Variants in SLF1 observed in about 807,000 individuals in gnomAD.
SLF1 encodes the protein SMC5/6 complex localization factor 1, also known as SMC5-SMC6 complex localization factor protein 1.
In SLF1, 105 loss-of-function variants were observed where a neutral mutation model predicts 123.0. The ratio of observed to expected loss-of-function variants is 0.85; its 90% CI spans 0.73 to 1.00. SLF1 has a LOEUF of 1.00. Ranked by LOEUF, SLF1 falls within the 50% of genes least tolerant of loss-of-function variation. The pLI is 0.00. For missense variants in SLF1, 1,239 were observed against 1,223.0 expected (o/e 1.01, Z -0.20); for synonymous variants, 434 against 406.6 (o/e 1.07, Z -0.81).
chr5:94,658,595 C>T (rs1748709843), intron 9 of SLF1, among the ~76,000 whole-genome samples: 1 of 152,000 alleles, frequency 6.6e-6, no homozygotes, highest in African/African-American at 2.4e-5. Context: ...TTTTAGAATT[C>T]TTTCTTTGTC....
At chr5:94,674,389 T>A (rs1016418193) in intron 14 of SLF1, among the ~76,000 whole-genome samples, 1 of 152,206 alleles carries the variant, frequency 6.6e-6, no homozygotes, top group Non-Finnish European at 1.5e-5. Flanking sequence ...CTGCAATAAA[T>A]TGTAGCATTG....
chr5:94,633,141 T>C (rs1745396636), intron 4 of SLF1, among the ~76,000 whole-genome samples: 1 of 152,024 alleles, frequency 6.6e-6, no homozygotes, highest in African/African-American at 2.4e-5. Flanking sequence ...GCATATGCCA[T>C]CACACCCGGC....
chr5:94,690,318 A>G (rs1752928112), intron 18 of SLF1, among the ~76,000 whole-genome samples: 1 of 152,198 alleles, frequency 6.6e-6, no homozygotes, highest in Non-Finnish European at 1.5e-5. Flanking sequence ...TATGACACCC[A>G]TGGAAATAGT....
chr5:94,678,922 G>T lies in SLF1; in HGVS notation c.1942G>T (p.Asp648Tyr). ...GRNVMRHMSD[D>Y]LGSYVSLSCD... ...AAATGTGATGCGACACATGTCTGAT[G>T]ACTTAGGAAGTTATGTTTCTCTTTC... Residue 648 changes from aspartate to tyrosine, a missense_variant, in exon 15 of 21, where the codon GAC becomes TAC. Transcript: ENST00000265140. The T allele has an allele frequency of 6.2e-7, 1 of 1,613,452 alleles. No homozygotes were observed. The highest frequency in any genetic ancestry group is 1.1e-5 in the South Asian group (1 of 90,942).
chr5:94,691,526 T>G, intron 18 of SLF1, 38 bp from the exon 19 acceptor site: 1 of 1,538,510 alleles, frequency 6.5e-7, no homozygotes, highest in Non-Finnish European at 8.9e-7. Flanking sequence ...GTTGATATCT[T>G]GTCTTCTCTG....
rs139444187 is a variant in SLF1, at chr5:94,682,049, C to T, written c.1975+3094C>T. ...GTGTGTGTGCATGTGCGCGTGTGCACATGTATACATTTGGAGAAAGGTAAA... is the reference window on the plus strand; with the variant it reads ...GTGTGTGTGCATGTGCGCGTGTGCATATGTATACATTTGGAGAAAGGTAAA... On this transcript the variant is annotated intron_variant, in intron 15 of 20. Coordinates refer to ENST00000265140, the MANE Select transcript of SLF1 (RefSeq NM_032290.4). 5.8e-3 allele frequency among the ~76,000 whole-genome samples: 879 copies of T among 152,198 alleles called. 4 individuals carry two copies. The highest frequency in any genetic ancestry group is 0.01 in the Non-Finnish European group (698 of 68,018).
At chr5:94,680,069 G>T (rs997730929) in intron 15 of SLF1, among the ~76,000 whole-genome samples, 1 of 151,972 alleles carries the variant, frequency 6.6e-6, no homozygotes, top group Non-Finnish European at 1.5e-5. Context: ...ATTTTAAACT[G>T]CCAAATAAGT....
chr5:94,630,673 C>A lies in SLF1; in HGVS notation c.361C>A (p.Pro121Thr), dbSNP rs952040009. The A allele has an allele frequency of 2.0e-5, 31 of 1,551,616 alleles. No homozygotes were observed. Among genetic ancestry groups the A allele is most frequent in the Non-Finnish European group, 2.6e-5 (30 of 1,146,982 alleles). ...TGAAGAACTGAAACGCACTGGTGCT[C>A]CAGGAGCCTTCCACAGATGGAAAGT... ...WREELKRTGA[P>T]GAFHRWKVVL... The change falls in exon 4 of 21, where the codon CCA (proline) becomes ACA (threonine). Residue 121 changes from proline (P) to threonine (T), a missense_variant. Coordinates refer to ENST00000265140, the MANE Select transcript of SLF1 (RefSeq NM_032290.4).
intron 13 of SLF1, 133 bp from the exon 14 acceptor site, chr5:94,670,710 T>A: frequency 4.5e-6 from 3 of 659,636 alleles, no homozygotes; most frequent in Non-Finnish European, 7.6e-6. Flanking sequence ...TCCTTTATTA[T>A]AATTGTTATA....
rs1364444087 is a variant in SLF1, at chr5:94,662,210, TTA to T, written c.1156-84_1156-83del. On this transcript the variant is annotated intron_variant, in intron 9 of 20. Coordinates refer to ENST00000265140, the MANE Select transcript of SLF1 (RefSeq NM_032290.4). ...CTATTAATGTGTTCCTGGATCTGTT[TTA>T]TATGTTTTTCCAAGGTTTTGGGGAA... is the stretch of plus-strand genomic sequence containing the variant. The T allele has an allele frequency of 5.3e-6, 6 of 1,127,598 alleles. No individual in the cohort carries two copies. In the East Asian group the frequency reaches 8.1e-5, roughly 15 times the overall value. 69.8% of individuals were successfully genotyped at this position (1,127,598 alleles called of 1,614,324 possible).
At chr5:94,628,496 TC>T (rs1744843101) in intron 1 of SLF1, among the ~76,000 whole-genome samples, 2 of 152,234 alleles carry the variant, frequency 1.3e-5, no homozygotes, top group African/African-American at 2.4e-5. Flanking sequence ...TGTATAACAT[TC>T]TATCATTTTC....
rs567713997 is a variant in SLF1 at position 94,631,704 on chromosome 5, A to G, written c.431+961A>G. On this transcript the variant is annotated intron_variant, in intron 4 of 20. Transcript: ENST00000265140. ...CTTTGCTAATATAAATTGAGCTGCTATGAACATTTGGTTACAAGTATTCAT... is the reference window on the plus strand; with the variant it reads ...CTTTGCTAATATAAATTGAGCTGCTGTGAACATTTGGTTACAAGTATTCAT... 6.6e-5 allele frequency among the ~76,000 whole-genome samples: 10 copies of G among 152,318 alleles called. No homozygotes were observed. In the South Asian group the frequency reaches 1.7e-3, roughly 25 times the overall value.
Position 94,662,306 on chromosome 5 carries a change from A to G in SLF1, c.1164A>G (p.Arg388=). 1.3e-6 allele frequency: 2 copies of G among 1,549,078 alleles called. No homozygotes were observed. Among genetic ancestry groups the G allele is most frequent in the South Asian group, 1.2e-5 (1 of 83,552 alleles). ...TGGTTGCTCTTTTGTAGGCTGTCAG[A>G]TACAACTGCATTAGAATAGATAAAC... ...RKHIYRAQAV[R]YNCIRIDKQP... Residue 388 remains arginine, a synonymous_variant, in exon 10 of 21, where the codon AGA becomes AGG. Coordinates refer to ENST00000265140, the MANE Select transcript of SLF1 (RefSeq NM_032290.4).
At chr5:94,692,600 G>A (rs1753160410) in intron 20 of SLF1, among the ~76,000 whole-genome samples, 1 of 152,038 alleles carries the variant, frequency 6.6e-6, no homozygotes, top group African/African-American at 2.4e-5. Flanking sequence ...AAAGCTTATT[G>A]ATAAATGGAT....
At chr5:94,684,837 T>A (rs1005682554) in intron 15 of SLF1, among the ~76,000 whole-genome samples, 1 of 152,194 alleles carries the variant, frequency 6.6e-6, no homozygotes, top group Non-Finnish European at 1.5e-5. Flanking sequence ...GCCCAAAGGT[T>A]TAAACACTCC....
At chr5:94,644,465 C>T (rs1170448129) in intron 5 of SLF1, among the ~76,000 whole-genome samples, 3 of 152,280 alleles carry the variant, frequency 2.0e-5, no homozygotes, top group Non-Finnish European at 4.4e-5. Flanking sequence ...GGATTCCTGT[C>T]ATTTCTGTCT....
intron 4 of SLF1, among the ~76,000 whole-genome samples, chr5:94,635,928 C>T (rs1283036593): frequency 6.6e-6 from 1 of 152,080 alleles, no homozygotes; most frequent in East Asian, 1.9e-4. Context: ...TATTAGTGGC[C>T]TTTTGATATA....
rs568027591 is a variant in SLF1 at position 94,677,311 on chromosome 5, G to A, written c.1828-1497G>A. On this transcript the variant is annotated intron_variant, in intron 14 of 20. Coordinates refer to ENST00000265140, the MANE Select transcript of SLF1 (RefSeq NM_032290.4). ...CCAGCTGAAATTCCTGTTACTTGTC[G>A]TCTAGGCTTGTTGGATATGTGAAAA... Among the ~76,000 whole-genome samples, 10 of 152,080 alleles carry A rather than the reference G, an allele frequency of 6.6e-5. No homozygotes were observed. The East Asian group carries it at 7.7e-4, about 12-fold the overall frequency.
chr5:94,693,478 C>G (rs1753252944), intron 20 of SLF1, among the ~76,000 whole-genome samples: 1 of 151,926 alleles, frequency 6.6e-6, no homozygotes, highest in African/African-American at 2.4e-5. Context: ...TTCTAGGGCT[C>G]TTAGTGGAGA....
Sources: gnomAD v4.1 joint callset for allele counts (sites outside exome capture counted in the v4.1 genomes callset) on GRCh38, gnomAD v4.1.1 for gene constraint, MANE v1.5 for transcripts, NCBI Gene and HGNC (gene_info 2026-07-23, HGNC 2026-07-21) for gene names.